KDM5C: variants seen among roughly 807,000 people sequenced by gnomAD.
The protein encoded by KDM5C is lysine demethylase 5C, also known as lysine-specific demethylase 5C.
In KDM5C, 16 loss-of-function variants were observed where a neutral mutation model predicts 110.6. The ratio of observed to expected loss-of-function variants is 0.14; its 90% confidence interval spans 0.10 to 0.22. The LOEUF is 0.22. KDM5C is among the 10% of genes least tolerant of loss of function. The pLI, the probability that KDM5C is intolerant of heterozygous loss-of-function variation, is 1.00. For synonymous variants in KDM5C, 511 were observed against 520.4 expected, an observed-to-expected ratio of 0.98 and a Z score of 0.24; for missense variants, 681 against 1,300.9, an observed-to-expected ratio of 0.52 and a Z score of 7.33.
At chrX:53,193,409 T>C (rs1444635931) in intron 25 of KDM5C, 28 bp downstream of exon 25, 1 of 1,210,334 alleles carries the variant, frequency 8.3e-7, no homozygotes, top group Non-Finnish European at 1.1e-6. Flanking sequence ...CCTGACCTCC[T>C]GGCCCGGCCC....
At chrX:53,218,155 T>C in intron 3 of KDM5C, 121 bp downstream of exon 3, 1 of 933,376 alleles carries the variant, frequency 1.1e-6, no homozygotes, top group Non-Finnish European at 1.5e-6. Flanking sequence ...GCTTGTGTGC[T>C]ACCAAGCTGT....
rs782614169 is a variant in KDM5C at position 53,193,269 on chromosome X, G to T, written c.4381C>A (p.Arg1461=). The part of the protein sequence containing the change: ...RGRALERRRR[R]KVDRGGEGDD... ...CCCTCCCCACCCCGATCCACCTTCC[G>T]CCGCCGCCGCCTCTCCAGGGCCCGG... is the stretch of plus-strand genomic sequence containing the variant. Residue 1461 remains arginine, a synonymous_variant, in exon 26 of 26, where the codon CGG becomes AGG. Coordinates refer to ENST00000375401, the MANE Select transcript of KDM5C (RefSeq NM_004187.5). 8.3e-7 allele frequency: 1 copy of T among 1,206,525 alleles called. No individual in the cohort carries two copies.
Position 53,224,928 on chromosome X carries a change from G to C in KDM5C, c.-39C>G. On this transcript the variant is annotated 5_prime_UTR_variant, in exon 1 of 26. Coordinates refer to ENST00000375401, the MANE Select transcript of KDM5C (RefSeq NM_004187.5). ...TCTGGGCCAGGGATCGGGAGGCTTG[G>C]ACCGCCCTTAAGGACTCATGGCGCC... 8.5e-7 allele frequency: 1 copy of C among 1,178,654 alleles called. No individual in the cohort carries two copies. Among genetic ancestry groups the C allele is most frequent in the South Asian group, 1.9e-5 (1 of 53,323 alleles).
chrX:53,214,117 G>C (rs1470701044), intron 8 of KDM5C: 3 of 110,853 alleles, frequency 2.7e-5, no homozygotes, highest in African/African-American at 1.0e-4. Context: ...ACCATGCCTG[G>C]CTAATTTTTG....
At position 53,194,199 on chromosome X, in the gene KDM5C, G is replaced by A; in HGVS notation, c.3978C>T (p.Asn1326=). ...QAEPRPEEPP[N]YPAAPASDPL... Reference sequence around the variant, plus strand: ...GGTCAGAAGCAGGGGCTGCAGGGTAGTTAGGAGGCTCCTCAGGTCTAGGTT... The same window carrying A: ...GGTCAGAAGCAGGGGCTGCAGGGTAATTAGGAGGCTCCTCAGGTCTAGGTT... Residue 1326 remains asparagine (N), a synonymous_variant, in exon 23 of 26, where the codon AAC becomes AAT. Transcript: ENST00000375401. The A allele has an allele frequency of 8.3e-7, 1 of 1,210,972 alleles. No homozygotes were observed. The highest frequency in any genetic ancestry group is 1.1e-6 in the Non-Finnish European group (1 of 894,848).
chrX:53,207,205 T>G (rs2073370058), intron 12 of KDM5C, among the ~76,000 whole-genome samples: 1 of 102,184 alleles, frequency 9.8e-6, no homozygotes, highest in Non-Finnish European at 2.0e-5. Flanking sequence ...AAAAAAATCT[T>G]TAGTAGCCAC....
intron 12 of KDM5C, among the ~76,000 whole-genome samples, chrX:53,205,495 T>C (rs2073296792): frequency 8.9e-6 from 1 of 112,137 alleles, no homozygotes; most frequent in Non-Finnish European, 1.9e-5. Flanking sequence ...CAGAACTATC[T>C]TCCAAAAATA....
intron 10 of KDM5C, 97 bp from the exon 11 acceptor site, chrX:53,210,954 G>A (rs944602527): frequency 2.5e-6 from 2 of 799,252 alleles, no homozygotes; most frequent in African/African-American, 4.1e-5. Context: ...TTAATTTTGA[G>A]GTCAGAGACT....
chrX:53,192,877 A>AACC lies in KDM5C; in HGVS notation c.*89_*90insGGT. Reference sequence around the variant, plus strand: ...GGGATGGCCACCCCCCTACCCGCCCACCCCCCAAGAAGCAGGCTTGATGGT... The same window carrying AACC: ...GGGATGGCCACCCCCCTACCCGCCCAACCCCCCCCAAGAAGCAGGCTTGATGGT... On this transcript the variant is annotated 3_prime_UTR_variant, in exon 26 of 26. Coordinates refer to ENST00000375401, the MANE Select transcript of KDM5C (RefSeq NM_004187.5). The AACC allele has an allele frequency of 5.2e-6, 1 of 193,066 alleles. No individual in the cohort carries two copies. Among genetic ancestry groups the AACC allele is most frequent in the Non-Finnish European group, 7.7e-6 (1 of 130,511 alleles). The allele number at this position is 193,066 out of a possible 1,213,427, so 15.9% of individuals were successfully genotyped here.
intron 12 of KDM5C, among the ~76,000 whole-genome samples, chrX:53,209,423 T>C (rs2073490213): frequency 9.0e-6 from 1 of 111,373 alleles, no homozygotes; most frequent in African/African-American, 3.3e-5. Context: ...TCATGGGGCA[T>C]ATAGTATACC....
At chrX:53,214,058 G>A (rs781899635) in intron 8 of KDM5C, among the ~76,000 whole-genome samples, 1 of 109,916 alleles carries the variant, frequency 9.1e-6, no homozygotes, top group East Asian at 2.9e-4. Flanking sequence ...GGGCTCAAGC[G>A]ATCCTCCCAC....
chrX:53,212,926 G>A (rs969514228), intron 8 of KDM5C, among the ~76,000 whole-genome samples: 4 of 110,842 alleles, frequency 3.6e-5, no homozygotes, highest in African/African-American at 1.3e-4. Context: ...GCTTGAACCC[G>A]GGAGGCAGAG....
chrX:53,219,382 T>C (rs1224659438), intron 2 of KDM5C, among the ~76,000 whole-genome samples: 2 of 112,482 alleles, frequency 1.8e-5, no homozygotes, highest in African/African-American at 6.5e-5. Context: ...TGAAAGTGCA[T>C]GCTATAACTA....
chrX:53,218,644 C>T (rs781910951), intron 2 of KDM5C: 8 of 456,578 alleles, frequency 1.8e-5, no homozygotes, highest in Middle Eastern at 7.4e-4. Context: ...GGTGCAATCA[C>T]GGCTGACTGT....
At chrX:53,210,971 A>T in intron 10 of KDM5C, 114 bp from the exon 11 acceptor site, 1 of 653,606 alleles carries the variant, frequency 1.5e-6, no homozygotes. Flanking sequence ...GACTTTTTTG[A>T]AACATCTTAA....
intron 25 of KDM5C, among the ~76,000 whole-genome samples, chrX:53,180,582 A>G (rs1159629771): frequency 3.6e-5 from 4 of 109,986 alleles, no homozygotes; most frequent in Non-Finnish European, 7.6e-5. Flanking sequence ...CTGCTCAAAG[A>G]AATAGAGTCT....
rs782299213 is a variant in KDM5C at position 53,198,436 on chromosome X, C to T, written c.2516+54G>A. On this transcript the variant is annotated intron_variant, in intron 17 of 25. Transcript: ENST00000375401. ...GTCTACCCCTTGCAGCACTTTTCCT[C>T]GGTGCTGGATCCTCAGCACCTTATG... 1.7e-3 allele frequency: 1,933 copies of T among 1,159,618 alleles called. 3 individuals are homozygous for T. The highest frequency in any genetic ancestry group is 1.8e-3 in the Non-Finnish European group (1,552 of 864,464).
intron 25 of KDM5C, among the ~76,000 whole-genome samples, chrX:53,183,600 G>A (rs782660549): frequency 7.1e-5 from 7 of 98,956 alleles, no homozygotes; most frequent in African/African-American, 1.5e-4. Flanking sequence ...ACGGAGTCTT[G>A]CTCTGTCACC....
intron 25 of KDM5C, among the ~76,000 whole-genome samples, chrX:53,181,772 G>C (rs782739714): frequency 7.4e-5 from 8 of 108,350 alleles, no homozygotes; most frequent in Middle Eastern, 4.8e-3. Flanking sequence ...AAAAAGAAGT[G>C]TAATTTTTGA....
Sources: gnomAD v4.1 joint callset for allele counts (sites outside exome capture counted in the v4.1 genomes callset) on GRCh38, gnomAD v4.1.1 for gene constraint, MANE v1.5 for transcripts, NCBI Gene and HGNC (gene_info 2026-07-23, HGNC 2026-07-21) for gene names.